SEC24B: variants seen among roughly 807,000 people sequenced by gnomAD.
SEC24B encodes SEC24 homolog B, COPII component.
SEC24B carries 45 observed loss-of-function variants against 142.8 expected under a neutral mutation model. That is an observed-to-expected ratio of 0.32 (90% CI 0.25 to 0.40). SEC24B has a LOEUF of 0.40. Ranked by LOEUF, SEC24B falls within the 10% of genes least tolerant of loss-of-function variation. The pLI, the probability that SEC24B is intolerant of heterozygous loss-of-function variation, is 1.00. For missense variants in SEC24B, 1,409 were observed against 1,526.8 expected (o/e 0.92, Z 1.29); for synonymous variants, 574 against 568.2 (o/e 1.01, Z -0.15).
intron 6 of SEC24B, among the ~76,000 whole-genome samples, chr4:109,505,391 A>G (rs1736575073): frequency 6.6e-6 from 1 of 152,122 alleles, no homozygotes; most frequent in Admixed American, 6.5e-5. Flanking sequence ...TGGTGGTGTT[A>G]TAAATGTATA....
intron 2 of SEC24B, among the ~76,000 whole-genome samples, chr4:109,465,751 T>A (rs1731790324): frequency 6.6e-6 from 1 of 152,150 alleles, no homozygotes; most frequent in Non-Finnish European, 1.5e-5. Flanking sequence ...GAACATGTAA[T>A]TGGGAAAGGC....
chr4:109,523,048 T>TA (rs1293457955), intron 14 of SEC24B, among the ~76,000 whole-genome samples: 3 of 151,790 alleles, frequency 2.0e-5, no homozygotes, highest in Admixed American at 6.6e-5. Flanking sequence ...ATTTTTTTTT[T>TA]AAAAAAGGGC....
intron 20 of SEC24B, among the ~76,000 whole-genome samples, 184 bp from the exon 21 acceptor site, chr4:109,532,455 T>A (rs1467849594): frequency 2.0e-5 from 3 of 152,176 alleles, no homozygotes; most frequent in Admixed American, 1.3e-4. Flanking sequence ...ACTTTTTAAA[T>A]TTGAATACAT....
At chr4:109,498,814 A>T (rs2126018906) in intron 6 of SEC24B, among the ~76,000 whole-genome samples, 1 of 152,234 alleles carries the variant, frequency 6.6e-6, no homozygotes, top group Non-Finnish European at 1.5e-5. Context: ...CTTTGTATTG[A>T]TTAATTTGAG....
intron 1 of SEC24B, among the ~76,000 whole-genome samples, chr4:109,459,335 G>A (rs890423790): frequency 1.3e-5 from 2 of 152,190 alleles, no homozygotes; most frequent in African/African-American, 2.4e-5. Context: ...GTACATGGCT[G>A]TTGAGTACTT....
At chr4:109,454,552 G>A (rs1269621427) in intron 1 of SEC24B, among the ~76,000 whole-genome samples, 31 of 149,460 alleles carry the variant, frequency 2.1e-4, no homozygotes, top group Admixed American at 1.3e-4. Context: ...AAAAAAAAAA[G>A]AAAGAAAAAT....
At chr4:109,437,956 G>A (rs965787325) in intron 1 of SEC24B, among the ~76,000 whole-genome samples, 1 of 152,172 alleles carries the variant, frequency 6.6e-6, no homozygotes, top group Non-Finnish European at 1.5e-5. Context: ...TTTTCCAAAG[G>A]ATATTGTATA....
At chr4:109,507,887 C>A (rs28629377) in intron 7 of SEC24B, among the ~76,000 whole-genome samples, 45 of 152,150 alleles carry the variant, frequency 3.0e-4, no homozygotes, top group African/African-American at 1.1e-3. Context: ...TCAGGTGATC[C>A]GCCCACCTCG....
Position 109,532,694 on chromosome 4 carries a change from C to A in SEC24B, c.3446C>A (p.Ser1149Tyr). The A allele has an allele frequency of 6.2e-7, 1 of 1,612,752 alleles. No individual in the cohort carries two copies. The highest frequency in any genetic ancestry group is 2.2e-5 in the East Asian group (1 of 44,862). Reference protein sequence around the residue: ...IVPQPPLQKLSAEKLTREGAF... With the variant: ...IVPQPPLQKLYAEKLTREGAF... ...CCACAGCCACCTCTTCAAAAATTGTCTGCAGAGAAGCTGACAAGAGAAGGT... is the reference window on the plus strand; with the variant it reads ...CCACAGCCACCTCTTCAAAAATTGTATGCAGAGAAGCTGACAAGAGAAGGT... The change falls in exon 21 of 24, where the codon TCT becomes TAT. Residue 1149 changes from serine (S) to tyrosine (Y), a missense_variant. Coordinates refer to ENST00000265175, the MANE Select transcript of SEC24B (RefSeq NM_006323.5).
chr4:109,530,351 G>A lies in SEC24B; in HGVS notation c.3139G>A (p.Val1047Met). The A allele has an allele frequency of 6.2e-7, 1 of 1,614,154 alleles. No individual in the cohort carries two copies. The highest frequency in any genetic ancestry group is 8.5e-7 in the Non-Finnish European group (1 of 1,180,012). Reference protein sequence around the residue: ...DARDALVNAVVDSLSAYGSTV... With the variant: ...DARDALVNAVMDSLSAYGSTV... ...AAGAGATGCCTTAGTGAATGCTGTAGTGGACTCATTGTCTGCATATGGCTC... is the reference window on the plus strand; with the variant it reads ...AAGAGATGCCTTAGTGAATGCTGTAATGGACTCATTGTCTGCATATGGCTC... Residue 1047 changes from valine to methionine, a missense_variant, in exon 19 of 24, where the codon GTG (valine) becomes ATG (methionine). Val to Met is a conservative substitution (Grantham distance 21, BLOSUM62 1). Coordinates refer to ENST00000265175, the MANE Select transcript of SEC24B (RefSeq NM_006323.5).
At chr4:109,515,202 G>A (rs890591951) in intron 10 of SEC24B, among the ~76,000 whole-genome samples, 7 of 152,012 alleles carry the variant, frequency 4.6e-5, no homozygotes, top group East Asian at 1.9e-4. Flanking sequence ...CCGGGTTCAC[G>A]ACATTCTCCT....
Position 109,463,319 on chromosome 4 carries a change from T to C in SEC24B, c.552T>C (p.Ala184=), listed in dbSNP as rs1486663879. Residue 184 remains alanine, a synonymous_variant, in exon 2 of 24, where the codon GCT becomes GCC. Coordinates refer to ENST00000265175, the MANE Select transcript of SEC24B (RefSeq NM_006323.5). Reference sequence around the variant, plus strand: ...TTCCCTCTACTTGTGGTCATTATGCTATGTCAACTGTTTCTAATGCCGCGT... The same window carrying C: ...TTCCCTCTACTTGTGGTCATTATGCCATGTCAACTGTTTCTAATGCCGCGT... ...QGFPSTCGHY[A]MSTVSNAAYP... is the part of the protein sequence containing the mutation. The C allele has an allele frequency of 1.2e-6, 2 of 1,614,108 alleles. No individual in the cohort carries two copies. Among genetic ancestry groups the C allele is most frequent in the Non-Finnish European group, 1.7e-6 (2 of 1,180,042 alleles).
chr4:109,433,970 CG>C lies in SEC24B; in HGVS notation c.104del (p.Gly35ValfsTer44). On this transcript the variant is annotated frameshift_variant, in exon 1 of 24. Coordinates refer to ENST00000265175, the MANE Select transcript of SEC24B (RefSeq NM_006323.5). LOFTEE classifies it high-confidence loss of function. ...TCAGGAGCCGCAGCGCCCGCGGGCC[CG>C]GGTGCGGGCCCGGCGCCGCACCAGC... The part of the protein sequence containing the change: ...AVSGAAAPAG[P>X]GAGPAPHQQN... 8.2e-7 allele frequency: 1 copy of C among 1,222,916 alleles called. No homozygotes were observed. The highest frequency in any genetic ancestry group is 1.0e-6 in the Non-Finnish European group (1 of 983,478). The allele number at this position is 1,222,916 out of a possible 1,614,324, so 75.8% of individuals were successfully genotyped here. A position where few individuals can be genotyped will look rare whatever the true frequency, so the allele number is the denominator to read the frequency against.
chr4:109,511,264 TCA>T (rs1466768447), intron 8 of SEC24B, among the ~76,000 whole-genome samples: 1 of 152,056 alleles, frequency 6.6e-6, no homozygotes, highest in Non-Finnish European at 1.5e-5. Context: ...TTTCTCATTC[TCA>T]GTTAACTATA....
Position 109,473,186 on chromosome 4 carries a change from G to C in SEC24B, c.1060G>C (p.Gly354Arg). ...GCCATCAGAGCTATTACAACAAAAA[G>C]GTATTTGAGATATTTATTATTGTAT... Reference protein sequence around the residue: ...TQPSELLQQKGVQYGEYVNNQ... With the variant: ...TQPSELLQQKRVQYGEYVNNQ... The change falls in exon 3 of 24, where the codon GGC (glycine) becomes CGC (arginine). Residue 354 changes from glycine to arginine, a missense_variant and splice_region_variant. This residue lies in a region of SEC24B where 709 missense variants were observed against 673.5 expected (regional missense o/e 1.05). Coordinates refer to ENST00000265175, the MANE Select transcript of SEC24B (RefSeq NM_006323.5). The C allele has an allele frequency of 1.9e-6, 3 of 1,552,664 alleles. No homozygotes were observed.
At chr4:109,516,181 T>C (rs1722842841) in intron 10 of SEC24B, among the ~76,000 whole-genome samples, 1 of 152,190 alleles carries the variant, frequency 6.6e-6, no homozygotes, top group Non-Finnish European at 1.5e-5. Context: ...TTAAAATTTG[T>C]TTTTAGGAAA....
chr4:109,433,905 C>T lies in SEC24B; in HGVS notation c.36C>T (p.Ala12=). 1 of 1,340,164 alleles carries T rather than the reference C, an allele frequency of 7.5e-7. No homozygotes were observed. Among genetic ancestry groups the T allele is most frequent in the African/African-American group, 1.5e-5 (1 of 65,612 alleles). The allele number at this position is 1,340,164 out of a possible 1,614,324, so 83.0% of individuals were successfully genotyped here. ...SAPAGSSHPA[A]SARIPPKFGG... ...CCGCCGGGTCCTCTCACCCGGCCGC[C>T]AGCGCCCGGATCCCGCCCAAGTTCG... The change falls in exon 1 of 24, where the codon GCC becomes GCT. Residue 12 remains alanine, a synonymous_variant. Coordinates refer to ENST00000265175, the MANE Select transcript of SEC24B (RefSeq NM_006323.5).
At chr4:109,439,682 G>A (rs1201982413) in intron 1 of SEC24B, among the ~76,000 whole-genome samples, 1 of 149,196 alleles carries the variant, frequency 6.7e-6, no homozygotes, top group African/African-American at 2.5e-5. Context: ...TGTATTTTTA[G>A]TAGAGACAGG....
At chr4:109,471,585 C>G (rs1732532393) in intron 2 of SEC24B, among the ~76,000 whole-genome samples, 1 of 152,020 alleles carries the variant, frequency 6.6e-6, no homozygotes, top group Admixed American at 6.5e-5. Context: ...TATTATTTTT[C>G]TTGGTTCTGT....
Sources: allele counts gnomAD v4.1 joint callset (sites outside exome capture counted in the v4.1 genomes callset), GRCh38; gene constraint gnomAD v4.1.1; regional missense constraint gnomAD v4.1.1; transcripts MANE v1.5; gene names NCBI Gene and HGNC (gene_info 2026-07-23, HGNC 2026-07-21).